SLC2A1: variants seen among roughly 807,000 people sequenced by gnomAD.
The protein encoded by SLC2A1 is solute carrier family 2 member 1, also known as solute carrier family 2, facilitated glucose transporter member 1.
In SLC2A1, 4 loss-of-function variants were observed where a neutral mutation model predicts 46.6. That is an observed-to-expected ratio of 0.09 (90% CI 0.04 to 0.20). The LOEUF (loss-of-function observed/expected upper bound fraction) is 0.20. Ranked by LOEUF, SLC2A1 falls within the 10% of genes least tolerant of loss-of-function variation. SLC2A1 has a pLI of 1.00. For synonymous variants in SLC2A1, 253 were observed against 270.0 expected (o/e 0.94, Z 0.62); for missense variants, 352 against 667.0 (o/e 0.53, Z 5.20).
At chr1:42,958,325 T>G (rs1643802915) in intron 1 of SLC2A1, among the ~76,000 whole-genome samples, 1 of 151,090 alleles carries the variant, frequency 6.6e-6, no homozygotes. Context: ...CCGGGCCCTG[T>G]GTCCCCAGCC....
At chr1:42,957,943 T>G (rs557115588) in intron 1 of SLC2A1, among the ~76,000 whole-genome samples, 1 of 152,014 alleles carries the variant, frequency 6.6e-6, no homozygotes, top group South Asian at 2.1e-4. Context: ...GGCCAAAGCT[T>G]TGGGGCCTGC....
At chr1:42,938,102 G>A (rs1158769630) in intron 2 of SLC2A1, among the ~76,000 whole-genome samples, 6 of 152,212 alleles carry the variant, frequency 3.9e-5, no homozygotes, top group African/African-American at 1.2e-4. Context: ...CTCAGTGGCC[G>A]TCAGTCATCT....
rs2229680 is a variant in SLC2A1 at position 42,929,216 on chromosome 1, G to C, written c.966C>G (p.Val322=). 1 of 1,613,478 alleles carries C rather than the reference G, an allele frequency of 6.2e-7. No individual in the cohort carries two copies. The highest frequency in any genetic ancestry group is 2.2e-5 in the East Asian group (1 of 44,888). The change falls in exon 7 of 10, where the codon GTC becomes GTG. Residue 322 remains valine, a synonymous_variant. Coordinates refer to ENST00000426263, the MANE Select transcript of SLC2A1 (RefSeq NM_006516.4). This position sits in a 1 kb window ranked among gnomAD's most constrained non-coding sequence, Gnocchi z 6.0. ...CCAGTAAGCAAAGACTCACCGACAC[G>C]ACAGTGAAGGCCGTGTTGACGATAC... ...GSGIVNTAFT[V]VSLFVVERAG...
intron 1 of SLC2A1, among the ~76,000 whole-genome samples, chr1:42,946,068 A>G (rs1259184438): frequency 6.6e-6 from 1 of 152,204 alleles, no homozygotes; most frequent in Non-Finnish European, 1.5e-5. Context: ...TGCTATTATC[A>G]CAGGCCCTGT....
rs766873518 is a variant in SLC2A1 at position 42,927,286 on chromosome 1, T to C, written c.1279-45A>G. 1.3e-6 allele frequency: 2 copies of C among 1,565,626 alleles called. No individual in the cohort carries two copies. Among genetic ancestry groups the C allele is most frequent in the African/African-American group, 1.4e-5 (1 of 73,920 alleles). On this transcript the variant is annotated intron_variant, in intron 9 of 9. Coordinates refer to ENST00000426263, the MANE Select transcript of SLC2A1 (RefSeq NM_006516.4). This position sits in a 1 kb window ranked among gnomAD's most constrained non-coding sequence, Gnocchi z 5.3. ...ACTTGGTTGGAGTCATGACCCTACA[T>C]CCTGGCTGTAGGACTTTGGATAAGT... is the stretch of plus-strand genomic sequence containing the variant.
In SLC2A1 at chr1:42,928,995, G is replaced by C. The variant is rs2229681; in HGVS notation, c.1011C>G (p.His337Gln). The C allele has an allele frequency of 1.2e-6, 2 of 1,613,682 alleles. No homozygotes were observed. The highest frequency in any genetic ancestry group is 2.2e-5 in the East Asian group (1 of 44,894). Residue 337 changes from histidine (H) to glutamine (Q), a missense_variant, in exon 8 of 10, where the codon CAC (histidine) becomes CAG (glutamine). Physicochemically the swap from His to Gln is conservative, Grantham distance 24. This residue lies in a region of SLC2A1 where 167 missense variants were observed against 280.8 expected (regional missense o/e 0.59). Coordinates refer to ENST00000426263, the MANE Select transcript of SLC2A1 (RefSeq NM_006516.4). ...CCGCCATGCCAGCGAGGCCTATGAGGTGCAGGGTCCGCCGGCCTGCTCGCT... is the reference window on the plus strand; with the variant it reads ...CCGCCATGCCAGCGAGGCCTATGAGCTGCAGGGTCCGCCGGCCTGCTCGCT... ...VVERAGRRTLHLIGLAGMAGC... is the reference protein window; with the variant it reads ...VVERAGRRTLQLIGLAGMAGC...
At chr1:42,946,473 G>C (rs1643656609) in intron 1 of SLC2A1, among the ~76,000 whole-genome samples, 1 of 152,200 alleles carries the variant, frequency 6.6e-6, no homozygotes, top group African/African-American at 2.4e-5. Context: ...GGCTAGTGTG[G>C]TCTGGGCTTC....
intron 1 of SLC2A1, among the ~76,000 whole-genome samples, chr1:42,944,639 G>C (rs778193353): frequency 6.6e-6 from 1 of 152,156 alleles, no homozygotes; most frequent in Non-Finnish European, 1.5e-5. Flanking sequence ...GTCAGTCAGG[G>C]CAACGACTGC....
intron 1 of SLC2A1, among the ~76,000 whole-genome samples, chr1:42,945,754 C>CCA (rs1553157061): frequency 0.068 from 9,624 of 140,948 alleles, 785 homozygotes; most frequent in African/African-American, 0.18. Context: ...AAAAAAAAAA[C>CCA]AAAAAACAAA....
At position 42,930,362 on chromosome 1, in the gene SLC2A1, C is replaced by T. The variant is rs1643475377; in HGVS notation, c.516+264G>A. 1 of 672,454 alleles carries T rather than the reference C, an allele frequency of 1.5e-6. No homozygotes were observed. The highest frequency in any genetic ancestry group is 2.3e-5 in the Admixed American group (1 of 43,892). The allele number at this position is 672,454 out of a possible 1,614,324, so 41.7% of individuals were successfully genotyped here. On this transcript the variant is annotated intron_variant, in intron 4 of 9. Transcript: ENST00000426263. This position sits in a 1 kb window ranked among gnomAD's most constrained non-coding sequence, Gnocchi z 6.2. ...CCTGGAGAGAGGGTACTGTGCATAA[C>T]AGCCTGCGGCATGTTGGGGGAAGGC... is the stretch of plus-strand genomic sequence containing the variant.
intron 2 of SLC2A1, among the ~76,000 whole-genome samples, chr1:42,941,153 T>G (rs985332294): frequency 6.6e-6 from 1 of 152,164 alleles, no homozygotes; most frequent in Non-Finnish European, 1.5e-5. Flanking sequence ...AGTCCGCCCC[T>G]CCATACCAGA....
At position 42,925,383 on chromosome 1, in the gene SLC2A1, T is replaced by C. The variant is rs1297982006; in HGVS notation, c.*1658A>G. On this transcript the variant is annotated 3_prime_UTR_variant, in exon 10 of 10. Coordinates refer to ENST00000426263, the MANE Select transcript of SLC2A1 (RefSeq NM_006516.4). ...TCAGCTGAGCCTCTAGAGACAAATA[T>C]CTTTGGTGTTTTATTTCCTCCAGTA... is the stretch of plus-strand genomic sequence containing the variant. The C allele has an allele frequency of 6.6e-6, 1 of 152,234 alleles. No homozygotes were observed. Among genetic ancestry groups the C allele is most frequent in the Non-Finnish European group, 1.5e-5 (1 of 68,044 alleles). 9.4% of individuals were successfully genotyped at this position (152,234 alleles called of 1,614,324 possible).
chr1:42,952,389 C>A, intron 1 of SLC2A1: 1 of 482,632 alleles, frequency 2.1e-6, no homozygotes, highest in East Asian at 6.2e-5. Flanking sequence ...GAGGAGATTC[C>A]CGTAGAGGCT....
chr1:42,946,935 G>C (rs1382250197), intron 1 of SLC2A1, among the ~76,000 whole-genome samples: 1 of 152,214 alleles, frequency 6.6e-6, no homozygotes, highest in African/African-American at 2.4e-5. Flanking sequence ...TCTGGGCCTT[G>C]GTTTCCTCAC....
intron 2 of SLC2A1, among the ~76,000 whole-genome samples, chr1:42,936,078 C>T (rs544272816): frequency 5.9e-5 from 9 of 152,252 alleles, no homozygotes; most frequent in South Asian, 4.1e-4. Context: ...GAGGGGTATG[C>T]GTTTTGGAAC....
chr1:42,930,394 T>C lies in SLC2A1; in HGVS notation c.516+232A>G, dbSNP rs2124449786. The C allele has an allele frequency of 4.2e-6, 3 of 714,948 alleles. No homozygotes were observed. In the East Asian group the frequency reaches 8.2e-5, roughly 19 times the overall value. The allele number at this position is 714,948 out of a possible 1,614,324, so 44.3% of individuals were successfully genotyped here. A position where few individuals can be genotyped will look rare whatever the true frequency, so the allele number is the denominator to read the frequency against. ...CGGCATGTTGGGGGAAGGCGGGCCC[T>C]GTGGTTGGAAGCCTAGAGTGAGAAG... On this transcript the variant is annotated intron_variant, in intron 4 of 9. Coordinates refer to ENST00000426263, the MANE Select transcript of SLC2A1 (RefSeq NM_006516.4). This position sits in a 1 kb window ranked among gnomAD's most constrained non-coding sequence, Gnocchi z 6.2.
chr1:42,937,181 CTGTAAGGTACCG>C (rs1375708655), intron 2 of SLC2A1, among the ~76,000 whole-genome samples: 3 of 152,370 alleles, frequency 2.0e-5, no homozygotes, highest in African/African-American at 7.2e-5. Flanking sequence ...AGAAGACTAA[CTGTAAGGTACCG>C]TGTGCTCCCT....
chr1:42,932,526 T>G (rs781425303), intron 2 of SLC2A1, among the ~76,000 whole-genome samples: 7 of 152,172 alleles, frequency 4.6e-5, no homozygotes, highest in Admixed American at 1.3e-4. Flanking sequence ...CCCCTACCAC[T>G]TACAGCTCAA....
At chr1:42,932,457 G>A (rs1035111768) in intron 2 of SLC2A1, among the ~76,000 whole-genome samples, 7 of 152,052 alleles carry the variant, frequency 4.6e-5, no homozygotes, top group Non-Finnish European at 1.0e-4. Flanking sequence ...ACACATACCC[G>A]TGCTCATAGA....
Sources: gnomAD v4.1 joint callset for allele counts (sites outside exome capture counted in the v4.1 genomes callset) on GRCh38, gnomAD v4.1.1 for gene constraint, gnomAD v4.1.1 regional missense constraint, Gnocchi (gnomAD v3.1) non-coding constraint, MANE v1.5 for transcripts, NCBI Gene and HGNC (gene_info 2026-07-23, HGNC 2026-07-21) for gene names.